Variants in KLRG2 observed in about 807,000 individuals in gnomAD.
KLRG2 encodes killer cell lectin-like receptor subfamily G member 2.
Under a neutral mutation model 35.4 loss-of-function variants are expected in KLRG2, and 39 were observed. That is an observed-to-expected ratio of 1.10 (90% CI 0.85 to 1.44). The LOEUF is 1.44. Ranked by LOEUF, KLRG2 falls within the 40% of genes most tolerant of loss-of-function variation. The pLI is 0.00. For synonymous variants in KLRG2, 283 were observed against 265.8 expected, an observed-to-expected ratio of 1.06 and a Z score of -0.63; for missense variants, 632 against 570.9, an observed-to-expected ratio of 1.11 and a Z score of -1.09.
At chr7:139,444,407 C>T in the KLRG2 span, among the ~76,000 whole-genome samples, 1 of 152,150 alleles carries the variant, frequency 6.6e-6, no homozygotes, top group African/African-American at 2.4e-5. Flanking sequence ...GTCTCGAACC[C>T]CTGAACTCAG....
chr7:139,429,848 G>T, the KLRG2 span, among the ~76,000 whole-genome samples: 1 of 151,788 alleles, frequency 6.6e-6, no homozygotes, highest in East Asian at 1.9e-4. Context: ...CCACAAAACT[G>T]CCATTGTCAT....
chr7:139,482,880 A>G lies in KLRG2; in HGVS notation c.757+6T>C. The G allele has an allele frequency of 1.4e-6, 2 of 1,448,724 alleles. No individual in the cohort carries two copies. The highest frequency in any genetic ancestry group is 1.8e-6 in the Non-Finnish European group (2 of 1,111,272). 89.7% of individuals were successfully genotyped at this position (1,448,724 alleles called of 1,614,324 possible). On this transcript the variant is annotated splice_donor_region_variant and intron_variant, in intron 1 of 4. Coordinates refer to ENST00000340940, the MANE Select transcript of KLRG2 (RefSeq NM_198508.4). ...GCGTCGGCTGCCGGCGCAGGTGAGC[A>G]CTCACCCGTAAGCGTTACGGCCCGG... is the stretch of plus-strand genomic sequence containing the variant.
At chr7:139,466,483 G>A (rs1270569210) in intron 3 of KLRG2, among the ~76,000 whole-genome samples, 2 of 152,080 alleles carry the variant, frequency 1.3e-5, no homozygotes, top group Non-Finnish European at 2.9e-5. Context: ...CTCTCTTTAA[G>A]TGGATAGAAG....
At chr7:139,455,378 G>C (rs1335665635) in intron 3 of KLRG2, among the ~76,000 whole-genome samples, 1 of 144,766 alleles carries the variant, frequency 6.9e-6, no homozygotes, top group African/African-American at 2.6e-5. Flanking sequence ...CTGGAGTGCA[G>C]TGGCGCGATC....
chr7:139,463,901 G>C (rs1796610416), intron 3 of KLRG2, among the ~76,000 whole-genome samples: 2 of 152,034 alleles, frequency 1.3e-5, no homozygotes, highest in Non-Finnish European at 2.9e-5. Context: ...TCTTTTCAAG[G>C]GCCTGTTTGT....
At chr7:139,465,684 T>C (rs1460127842) in intron 3 of KLRG2, among the ~76,000 whole-genome samples, 7 of 114,838 alleles carry the variant, frequency 6.1e-5, no homozygotes, top group African/African-American at 2.1e-4. Flanking sequence ...AGTGTGAGAC[T>C]CTGTCTCAAA....
At chr7:139,431,128 G>A in the KLRG2 span, among the ~76,000 whole-genome samples, 5 of 151,658 alleles carry the variant, frequency 3.3e-5, no homozygotes, top group Non-Finnish European at 7.4e-5. Flanking sequence ...ATCAAAAGCT[G>A]AGCTAAAGGA....
In KLRG2 at chr7:139,474,762, A is replaced by G. The variant is rs140635161; in HGVS notation, c.1005+4865T>C. 4.6e-3 allele frequency among the ~76,000 whole-genome samples: 702 copies of G among 152,290 alleles called. 7 individuals are homozygous for G. Among genetic ancestry groups the G allele is most frequent in the African/African-American group, 0.016 (673 of 41,568 alleles). On this transcript the variant is annotated intron_variant, in intron 3 of 4. Transcript: ENST00000340940. ...GGCGACAGAGTGAAACTTTGTCTCA[A>G]AAAAATAAATAAATAAAACAAAATA...
chr7:139,455,395 C>T (rs1037528505), intron 3 of KLRG2, among the ~76,000 whole-genome samples: 1 of 148,882 alleles, frequency 6.7e-6, no homozygotes, highest in Non-Finnish European at 1.5e-5. Context: ...GATCTCGGCT[C>T]ACTGCAAGCT....
At position 139,483,284 on chromosome 7, in the gene KLRG2, G is replaced by A. The variant is rs758520569; in HGVS notation, c.359C>T (p.Ala120Val). 1.9e-6 allele frequency: 3 copies of A among 1,558,448 alleles called. No homozygotes were observed. The highest frequency in any genetic ancestry group is 2.5e-5 in the East Asian group (1 of 40,340). Residue 120 changes from alanine to valine, a missense_variant, in exon 1 of 5, where the codon GCG becomes GTG. Ala to Val is a moderately conservative substitution (Grantham distance 64). Transcript: ENST00000340940. ...PGAEPAPSAW[A>V]PMELQVDVRV... is the part of the protein sequence containing the mutation. ...CACATCTACCTGCAGCTCCATGGGC[G>A]CCCAGGCGCTGGGCGCAGGCTCAGC... is the stretch of plus-strand genomic sequence containing the variant.
At chr7:139,463,520 G>A (rs1007825958) in intron 3 of KLRG2, among the ~76,000 whole-genome samples, 1 of 152,178 alleles carries the variant, frequency 6.6e-6, no homozygotes, top group Non-Finnish European at 1.5e-5. Context: ...AAGCCACAGC[G>A]GCCAGGCGTT....
chr7:139,460,310 AGTTT>A (rs1395041145), intron 3 of KLRG2, among the ~76,000 whole-genome samples: 7 of 152,170 alleles, frequency 4.6e-5, no homozygotes, highest in African/African-American at 1.7e-4. Context: ...TGGTCTGTTT[AGTTT>A]GTTTTCTGTT....
At chr7:139,427,478 A>G in the KLRG2 span, among the ~76,000 whole-genome samples, 1 of 152,216 alleles carries the variant, frequency 6.6e-6, no homozygotes, top group Non-Finnish European at 1.5e-5. Context: ...TGCCAGCATC[A>G]AAATCTGCTC....
the KLRG2 span, among the ~76,000 whole-genome samples, chr7:139,445,438 C>T: frequency 6.6e-6 from 1 of 151,954 alleles, no homozygotes; most frequent in African/African-American, 2.4e-5. Context: ...GCGGAGCTTA[C>T]GCATAATCAA....
intron 3 of KLRG2, among the ~76,000 whole-genome samples, chr7:139,458,871 C>T (rs531571035): frequency 7.2e-5 from 11 of 152,298 alleles, no homozygotes; most frequent in African/African-American, 2.6e-4. Context: ...TACCTCTGGG[C>T]ACCCTGGCCC....
At chr7:139,430,811 C>T in the KLRG2 span, among the ~76,000 whole-genome samples, 4 of 152,100 alleles carry the variant, frequency 2.6e-5, no homozygotes, top group Admixed American at 1.3e-4. Context: ...CAGTTCGAAA[C>T]CAGCCTGGCC....
chr7:139,429,978 A>T, the KLRG2 span, among the ~76,000 whole-genome samples: 3 of 151,926 alleles, frequency 2.0e-5, no homozygotes, highest in African/African-American at 7.3e-5. Context: ...CCCCCCCCAT[A>T]TGGGTGTTTT....
chr7:139,450,826 C>A (rs140044071), downstream of KLRG2, among the ~76,000 whole-genome samples: 551 of 152,276 alleles, frequency 3.6e-3, 2 homozygotes, highest in Non-Finnish European at 6.2e-3. Context: ...CGACATATTT[C>A]TCTTCCCCTT....
the KLRG2 span, among the ~76,000 whole-genome samples, chr7:139,438,342 C>T: frequency 6.6e-6 from 1 of 152,152 alleles, no homozygotes; most frequent in East Asian, 1.9e-4. Flanking sequence ...AGTGATCCTC[C>T]CACCTGAGTA....
Sources: gnomAD v4.1 joint callset for allele counts (sites outside exome capture counted in the v4.1 genomes callset) on GRCh38, gnomAD v4.1.1 for gene constraint, MANE v1.5 for transcripts, NCBI Gene and HGNC (gene_info 2026-07-23, HGNC 2026-07-21) for gene names.